The following ITPR2 variants were observed in gnomAD, a reference collection of about 807,000 sequenced individuals.
ITPR2 encodes the protein inositol 1,4,5-trisphosphate-gated calcium channel ITPR2.
ITPR2 carries 207 observed loss-of-function variants against 317.1 expected under a neutral mutation model. The ratio of observed to expected loss-of-function variants is 0.65; its 90% CI spans 0.58 to 0.73. The LOEUF is 0.73. Ranked by LOEUF, ITPR2 falls within the 30% of genes least tolerant of loss-of-function variation. ITPR2 has a pLI of 0.00. For synonymous variants in ITPR2, 1,156 were observed against 1,149.1 expected, an observed-to-expected ratio of 1.01 and a Z score of -0.12; for missense variants, 2,613 against 3,284.0, an observed-to-expected ratio of 0.80 and a Z score of 4.99.
At chr12:26,615,877 T>C (rs1375223333) in intron 26 of ITPR2, among the ~76,000 whole-genome samples, 2 of 152,074 alleles carry the variant, frequency 1.3e-5, no homozygotes, top group African/African-American at 2.4e-5. Flanking sequence ...TTATTAAATA[T>C]AGTATTTAAA....
At chr12:26,349,229 G>A (rs1938403449) in intron 55 of ITPR2, among the ~76,000 whole-genome samples, 1 of 152,194 alleles carries the variant, frequency 6.6e-6, no homozygotes, top group Admixed American at 6.5e-5. Flanking sequence ...CAGGGTTAGG[G>A]TTAGGGAAGA....
chr12:26,708,596 G>T (rs946375345), intron 9 of ITPR2, among the ~76,000 whole-genome samples: 7 of 152,194 alleles, frequency 4.6e-5, no homozygotes, highest in African/African-American at 1.4e-4. Flanking sequence ...GTTACCAGAG[G>T]CTAGGAAGGG....
chr12:26,770,486 T>TG (rs1420871923), intron 2 of ITPR2, among the ~76,000 whole-genome samples: 1 of 152,202 alleles, frequency 6.6e-6, no homozygotes, highest in Admixed American at 6.5e-5. Flanking sequence ...CTCTTCTCTG[T>TG]GCTTCTACAG....
In ITPR2 at chr12:26,340,317, C is replaced by G; in HGVS notation, c.7869G>C (p.Leu2623Phe). ...YVAQMIVEKN[L>F]DWFPRMRAMS... ...TGGCTCGCATCCGAGGAAACCAATC[C>G]AAATTCTTCTCCTGAAAGCAAATAA... The change falls in exon 56 of 57, where the codon TTG becomes TTC. Residue 2623 changes from leucine (L) to phenylalanine (F), a missense_variant. By Grantham distance (22) the Leu-to-Phe change is conservative (BLOSUM62 0). This residue lies in a region of ITPR2 where 119 missense variants were observed against 144.3 expected (regional missense o/e 0.82). Coordinates refer to ENST00000381340, the MANE Select transcript of ITPR2 (RefSeq NM_002223.4). 6.3e-7 allele frequency: 1 copy of G among 1,599,402 alleles called. No homozygotes were observed. Among genetic ancestry groups the G allele is most frequent in the Non-Finnish European group, 8.5e-7 (1 of 1,172,936 alleles).
intron 2 of ITPR2, among the ~76,000 whole-genome samples, chr12:26,784,475 C>G (rs948828418): frequency 4.6e-5 from 7 of 150,844 alleles, no homozygotes; most frequent in Non-Finnish European, 1.0e-4. Flanking sequence ...CTCAGCCTGC[C>G]GGGTGCCTGC....
At chr12:26,719,073 C>G (rs1189712610) in intron 5 of ITPR2, among the ~76,000 whole-genome samples, 1 of 152,028 alleles carries the variant, frequency 6.6e-6, no homozygotes, top group African/African-American at 2.4e-5. Flanking sequence ...ATTACCTTGC[C>G]TAACCAAGCT....
intron 51 of ITPR2, among the ~76,000 whole-genome samples, chr12:26,413,874 A>C (rs988068586): frequency 6.6e-6 from 1 of 152,186 alleles, no homozygotes; most frequent in African/African-American, 2.4e-5. Context: ...TAAATAGCAC[A>C]AAATATTTAC....
At chr12:26,745,485 T>C (rs1949304977) in intron 2 of ITPR2, among the ~76,000 whole-genome samples, 1 of 152,244 alleles carries the variant, frequency 6.6e-6, no homozygotes, top group Admixed American at 6.5e-5. Context: ...ACTATCTGCT[T>C]GTGAGGACAA....
intron 55 of ITPR2, among the ~76,000 whole-genome samples, chr12:26,370,485 C>A (rs1250720961): frequency 6.6e-6 from 1 of 152,092 alleles, no homozygotes; most frequent in Non-Finnish European, 1.5e-5. Context: ...AAACAATGAG[C>A]AAATCCATGT....
intron 5 of ITPR2, among the ~76,000 whole-genome samples, chr12:26,717,842 A>T (rs1013303267): frequency 1.3e-5 from 2 of 152,198 alleles, no homozygotes; most frequent in African/African-American, 4.8e-5. Flanking sequence ...TTTAAAAATT[A>T]AATTATGAGC....
chr12:26,666,135 G>GAGAT (rs71437306), intron 13 of ITPR2, 84 bp from the exon 14 acceptor site: 63 of 411,780 alleles, frequency 1.5e-4, no homozygotes, highest in Non-Finnish European at 2.1e-4. Context: ...TAGGTAGGTA[G>GAGAT]AGATAGATAG....
chr12:26,682,803 T>A (rs951036627), intron 11 of ITPR2, 130 bp from the exon 12 acceptor site: 53 of 608,188 alleles, frequency 8.7e-5, no homozygotes, highest in Non-Finnish European at 1.3e-4. Context: ...AAGATCCCTC[T>A]GCTTTAAGGG....
At chr12:26,582,673 A>T (rs1220610925) in intron 32 of ITPR2, among the ~76,000 whole-genome samples, 4 of 152,102 alleles carry the variant, frequency 2.6e-5, no homozygotes, top group Admixed American at 2.6e-4. Context: ...TTTCACTTTC[A>T]GATTTTTTTG....
rs376525073 is a variant in ITPR2 at position 26,483,916 on chromosome 12, T to C, written c.5812-18A>G. On this transcript the variant is annotated intron_variant, in intron 41 of 56. Transcript: ENST00000381340. Reference sequence around the variant, plus strand: ...AAGAAGTTCTGAAGGCAAAAGAAAATAAAATTGAAGGGTTACAAAAATTCA... The same window carrying C: ...AAGAAGTTCTGAAGGCAAAAGAAAACAAAATTGAAGGGTTACAAAAATTCA... 7 of 1,606,200 alleles carry C rather than the reference T, an allele frequency of 4.4e-6. No individual in the cohort carries two copies. Among genetic ancestry groups the C allele is most frequent in the Non-Finnish European group, 5.1e-6 (6 of 1,173,152 alleles).
At chr12:26,395,102 A>T (rs1268590819) in intron 54 of ITPR2, among the ~76,000 whole-genome samples, 1 of 152,122 alleles carries the variant, frequency 6.6e-6, no homozygotes, top group African/African-American at 2.4e-5. Flanking sequence ...GCCTGGGGAA[A>T]GGTTGGAGCT....
rs760964808 is a variant in ITPR2 at position 26,828,457 on chromosome 12, T to C, written c.92+4233A>G. ...AATTCCTAAAAATCTGAGCCCAATG[T>C]GATTCCACAGCCTTAAGAAAGTACT... On this transcript the variant is annotated intron_variant, in intron 1 of 56. Transcript: ENST00000381340. Among the ~76,000 whole-genome samples, 7 of 152,186 alleles carry C rather than the reference T, an allele frequency of 4.6e-5. 1 individual carries two copies. The highest frequency in any genetic ancestry group is 2.1e-4 in the South Asian group (1 of 4,836).
intron 8 of ITPR2, among the ~76,000 whole-genome samples, chr12:26,712,794 T>C (rs1031054606): frequency 1.3e-5 from 2 of 152,228 alleles, no homozygotes; most frequent in African/African-American, 4.8e-5. Context: ...CTAGAGGGGA[T>C]ATTCTAGAGA....
chr12:26,554,782 T>C (rs1219700993), intron 36 of ITPR2, among the ~76,000 whole-genome samples: 5 of 152,196 alleles, frequency 3.3e-5, no homozygotes, highest in African/African-American at 1.2e-4. Context: ...TTGCTTTTTT[T>C]TTTCATTTAG....
At chr12:26,650,177 G>A (rs1381903745) in intron 21 of ITPR2, among the ~76,000 whole-genome samples, 2 of 152,142 alleles carry the variant, frequency 1.3e-5, no homozygotes, top group Non-Finnish European at 2.9e-5. Context: ...ATATAAACAG[G>A]ACGGTGGAGA....
Sources: gnomAD v4.1 joint callset for allele counts (sites outside exome capture counted in the v4.1 genomes callset) on GRCh38, gnomAD v4.1.1 for gene constraint, gnomAD v4.1.1 regional missense constraint, MANE v1.5 for transcripts, NCBI Gene and HGNC (gene_info 2026-07-23, HGNC 2026-07-21) for gene names.